Variants in ABLIM3 observed in about 807,000 individuals in gnomAD.
ABLIM3 encodes the protein actin binding LIM protein family member 3.
ABLIM3 carries 61 observed loss-of-function variants against 109.5 expected under a neutral mutation model. The ratio of observed to expected loss-of-function variants is 0.56; its 90% confidence interval spans 0.45 to 0.69. The LOEUF (loss-of-function observed/expected upper bound fraction) is 0.69, where lower values mean the gene tolerates loss of function less well. Among genes scored for constraint, ABLIM3 ranks in the 30% least tolerant of loss-of-function variants. The probability of loss-of-function intolerance (pLI) is 0.00; values close to 1 mark genes in which losing one functional copy is unlikely to be tolerated. For synonymous variants in ABLIM3, 300 were observed against 324.8 expected (o/e 0.92, Z 0.82); for missense variants, 796 against 889.5 (o/e 0.89, Z 1.34).
intron 2 of ABLIM3, among the ~76,000 whole-genome samples, chr5:149,170,922 G>A (rs1342715409): frequency 6.6e-6 from 1 of 152,052 alleles, no homozygotes; most frequent in Admixed American, 6.5e-5. Flanking sequence ...AGTCCCATGT[G>A]TCATGTACCA....
At chr5:149,231,690 C>G (rs561157784) in intron 9 of ABLIM3, among the ~76,000 whole-genome samples, 1 of 152,240 alleles carries the variant, frequency 6.6e-6, no homozygotes, top group Admixed American at 6.5e-5. Context: ...GGTATAAGAC[C>G]TAATTGTCCC....
rs769067848 is a variant in ABLIM3, at chr5:149,233,235, C to T, written c.823C>T (p.Arg275Trp). The T allele has an allele frequency of 4.0e-5, 65 of 1,614,006 alleles. 1 individual carries two copies. Among genetic ancestry groups the T allele is most frequent in the East Asian group, 2.2e-4 (10 of 44,898 alleles). The part of the protein sequence containing the change: ...ARAEKKLKHR[R>W]TSETSISPPG... Reference sequence around the variant, plus strand: ...GTCTTCATCTCTCTCACAGCATAGACGGACATCTGAAACCTCCATCTCACC... The same window carrying T: ...GTCTTCATCTCTCTCACAGCATAGATGGACATCTGAAACCTCCATCTCACC... The change falls in exon 10 of 24, where the codon CGG (arginine) becomes TGG (tryptophan). Residue 275 changes from arginine (R) to tryptophan (W), a missense_variant. Transcript: ENST00000309868.
At chr5:149,147,486 G>A (rs371306276) in intron 2 of ABLIM3, among the ~76,000 whole-genome samples, 2 of 151,926 alleles carry the variant, frequency 1.3e-5, no homozygotes, top group African/African-American at 2.4e-5. Context: ...GAGGATTTTT[G>A]CATCTATGTT....
Position 149,237,583 on chromosome 5 carries a change from G to A in ABLIM3, c.1024G>A (p.Glu342Lys), listed in dbSNP as rs1168172016. ...CAGATACATGTCCGACGAGATGCTG[G>A]AGAGATGTGGCTATGGAGAGGTATC... ...HSRYMSDEML[E>K]RCGYGESLGT... The change falls in exon 11 of 24, where the codon GAG becomes AAG. Residue 342 changes from glutamate to lysine, a missense_variant. Coordinates refer to ENST00000309868, the MANE Select transcript of ABLIM3 (RefSeq NM_014945.5). The A allele has an allele frequency of 1.9e-6, 3 of 1,614,084 alleles. No individual in the cohort carries two copies. The highest frequency in any genetic ancestry group is 2.7e-5 in the African/African-American group (2 of 74,926).
intron 15 of ABLIM3, 151 bp downstream of exon 15, chr5:149,242,689 C>A: frequency 1.3e-6 from 1 of 795,930 alleles, no homozygotes; most frequent in Non-Finnish European, 2.2e-6. Flanking sequence ...CCCAGGGTGA[C>A]ATTAGGGCAG....
intron 2 of ABLIM3, among the ~76,000 whole-genome samples, chr5:149,153,851 C>T (rs1753649599): frequency 6.6e-6 from 1 of 152,224 alleles, no homozygotes; most frequent in Non-Finnish European, 1.5e-5. Context: ...GGAGAACATA[C>T]AGGCTCCACA....
In ABLIM3 at chr5:149,199,550, T is replaced by A. The variant is rs1301051906; in HGVS notation, c.336-766T>A. Among the ~76,000 whole-genome samples the A allele has an allele frequency of 2.0e-5, 3 of 152,198 alleles. No homozygotes were observed. The East Asian group carries it at 5.8e-4, about 29-fold the overall frequency. Reference sequence around the variant, plus strand: ...GGTGACTCCCCAAGATCACGCAATGTCTTTCTACCAAAAGCTAGTGGCTGA... The same window carrying A: ...GGTGACTCCCCAAGATCACGCAATGACTTTCTACCAAAAGCTAGTGGCTGA... On this transcript the variant is annotated intron_variant, in intron 4 of 23. Transcript: ENST00000309868.
At chr5:149,180,328 T>C (rs1418212025) in intron 2 of ABLIM3, among the ~76,000 whole-genome samples, 1 of 152,170 alleles carries the variant, frequency 6.6e-6, no homozygotes, top group African/African-American at 2.4e-5. Flanking sequence ...CAGTTATAGA[T>C]TGGTAGGAAG....
At chr5:149,182,955 C>T (rs1484193041) in intron 2 of ABLIM3, among the ~76,000 whole-genome samples, 1 of 152,118 alleles carries the variant, frequency 6.6e-6, no homozygotes, top group East Asian at 1.9e-4. Context: ...CTTTGACCAC[C>T]CTCATTTGAT....
chr5:149,230,543 T>C (rs1761747671), intron 8 of ABLIM3, 106 bp from the exon 9 acceptor site: 1 of 1,202,552 alleles, frequency 8.3e-7, no homozygotes, highest in South Asian at 1.2e-5. Context: ...TTCTGGCAGA[T>C]GTGTAAGGGA....
chr5:149,169,395 A>T (rs1224856964), intron 2 of ABLIM3, among the ~76,000 whole-genome samples: 1 of 152,056 alleles, frequency 6.6e-6, no homozygotes, highest in African/African-American at 2.4e-5. Context: ...CCAGCATCAC[A>T]TGTGGATAAC....
intron 8 of ABLIM3, among the ~76,000 whole-genome samples, chr5:149,230,433 C>G (rs1761731881): frequency 6.6e-6 from 1 of 152,052 alleles, no homozygotes; most frequent in Admixed American, 6.5e-5. Context: ...AGCCCTAGAC[C>G]TTTAGGAACA....
At chr5:149,202,008 T>C (rs1266019022) in intron 5 of ABLIM3, among the ~76,000 whole-genome samples, 1 of 152,222 alleles carries the variant, frequency 6.6e-6, no homozygotes, top group East Asian at 1.9e-4. Context: ...CTAAGATACA[T>C]TGCTTATATA....
intron 1 of ABLIM3, 144 bp from the exon 2 acceptor site, chr5:149,141,865 T>G (rs917184253): frequency 3.3e-6 from 2 of 603,174 alleles, no homozygotes; most frequent in Non-Finnish European, 6.0e-6. Flanking sequence ...TCCTGCCGCC[T>G]CCTTCTCCTT....
intron 8 of ABLIM3, among the ~76,000 whole-genome samples, chr5:149,227,757 T>C (rs947461016): frequency 6.6e-6 from 1 of 152,234 alleles, no homozygotes; most frequent in African/African-American, 2.4e-5. Context: ...GTTGTGGCTG[T>C]CTAATCAGAG....
At position 149,142,009 on chromosome 5, in the gene ABLIM3, G is replaced by C; in HGVS notation, c.-87G>C. On this transcript the variant is annotated splice_region_variant and 5_prime_UTR_variant, in exon 2 of 24. Transcript: ENST00000309868. ...ACTGGACTGCCTTTTCACCCCCCAG[G>C]TGATGAGTGAGGTTCGAAGAACGGA... is the stretch of plus-strand genomic sequence containing the variant. 1.2e-6 allele frequency: 2 copies of C among 1,601,052 alleles called. No homozygotes were observed. Among genetic ancestry groups the C allele is most frequent in the South Asian group, 2.2e-5 (2 of 90,868 alleles).
chr5:149,216,759 C>T, intron 7 of ABLIM3, 200 bp from the exon 8 acceptor site: 1 of 572,934 alleles, frequency 1.7e-6, no homozygotes, highest in Admixed American at 2.9e-5. Context: ...GAACTGCCAT[C>T]AGGGATCCAT....
chr5:149,185,331 G>A (rs1756856243), intron 3 of ABLIM3, among the ~76,000 whole-genome samples: 1 of 152,074 alleles, frequency 6.6e-6, no homozygotes, highest in Non-Finnish European at 1.5e-5. Context: ...TCCTCCAATG[G>A]GCTGGCTTGG....
chr5:149,184,960 A>T (rs1430660382), intron 3 of ABLIM3, among the ~76,000 whole-genome samples: 1 of 152,132 alleles, frequency 6.6e-6, no homozygotes, highest in African/African-American at 2.4e-5. Context: ...GTATTGGCAA[A>T]CCCCTTTAGT....
Sources: gnomAD v4.1 joint callset for allele counts (sites outside exome capture counted in the v4.1 genomes callset) on GRCh38, gnomAD v4.1.1 for gene constraint, MANE v1.5 for transcripts, NCBI Gene and HGNC (gene_info 2026-07-23, HGNC 2026-07-21) for gene names.